ARHGAP15: variants seen among roughly 807,000 people sequenced by gnomAD.
ARHGAP15 encodes rho GTPase-activating protein 15.
ARHGAP15 carries 51 observed loss-of-function variants against 63.7 expected under a neutral mutation model. The observed-to-expected ratio is 0.80, with a 90% CI of 0.64 to 1.01. The LOEUF (loss-of-function observed/expected upper bound fraction) is 1.01, where lower values mean the gene tolerates loss of function less well. Among genes scored for constraint, ARHGAP15 ranks in the 50% least tolerant of loss-of-function variants. The probability of loss-of-function intolerance (pLI) is 0.00; values close to 1 mark genes in which losing one functional copy is unlikely to be tolerated. For missense variants in ARHGAP15, 560 were observed against 564.6 expected, an observed-to-expected ratio of 0.99 and a Z score of 0.08; for synonymous variants, 191 against 193.8, an observed-to-expected ratio of 0.99 and a Z score of 0.12.
At chr2:143,598,469 G>A (rs962289738) in intron 11 of ARHGAP15, among the ~76,000 whole-genome samples, 7 of 152,154 alleles carry the variant, frequency 4.6e-5, no homozygotes, top group Non-Finnish European at 1.0e-4. Flanking sequence ...GTCACCATCC[G>A]CTGTAAGGTG....
chr2:143,436,041 GTAAA>G lies in ARHGAP15; in HGVS notation c.573+350_573+353del, dbSNP rs1479538812. Among the ~76,000 whole-genome samples, 3 of 151,546 alleles carry G rather than the reference GTAAA, an allele frequency of 2.0e-5. No homozygotes were observed. In the East Asian group the frequency reaches 5.8e-4, roughly 29 times the overall value. ...TATGCAGTCCATACTACATACTCCT[GTAAA>G]TAAATAACATATTTAAGACTCACTG... On this transcript the variant is annotated intron_variant, in intron 7 of 13. Coordinates refer to ENST00000295095, the MANE Select transcript of ARHGAP15 (RefSeq NM_018460.4).
intron 11 of ARHGAP15, among the ~76,000 whole-genome samples, chr2:143,558,461 C>G (rs1442755284): frequency 6.6e-6 from 1 of 152,118 alleles, no homozygotes; most frequent in African/African-American, 2.4e-5. Flanking sequence ...AAAATTCCAT[C>G]TATTATAAGA....
At chr2:143,354,096 G>A (rs1177672001) in intron 6 of ARHGAP15, among the ~76,000 whole-genome samples, 1 of 151,852 alleles carries the variant, frequency 6.6e-6, no homozygotes, top group Non-Finnish European at 1.5e-5. Flanking sequence ...TTCCGAACAG[G>A]AATGACAATT....
chr2:143,164,468 T>C (rs1268545893), intron 2 of ARHGAP15, among the ~76,000 whole-genome samples: 1 of 152,044 alleles, frequency 6.6e-6, no homozygotes. Context: ...TTTTTATGAT[T>C]CCTATTCACT....
rs541869197 is a variant in ARHGAP15 at position 143,359,570 on chromosome 2, G to A, written c.475-76031G>A. Among the ~76,000 whole-genome samples, 9 of 151,982 alleles carry A rather than the reference G, an allele frequency of 5.9e-5. No individual in the cohort carries two copies. The East Asian group carries it at 9.7e-4, about 16-fold the overall frequency. On this transcript the variant is annotated intron_variant, in intron 6 of 13. Coordinates refer to ENST00000295095, the MANE Select transcript of ARHGAP15 (RefSeq NM_018460.4). ...GGTTATACTGTTTTCTTCCAAAATC[G>A]ATGCAAAGAAATAAAGAAAAATGTA... is the stretch of plus-strand genomic sequence containing the variant.
intron 6 of ARHGAP15, among the ~76,000 whole-genome samples, chr2:143,268,493 C>A (rs1284768416): frequency 6.6e-6 from 1 of 152,022 alleles, no homozygotes; most frequent in Non-Finnish European, 1.5e-5. Context: ...CAAATTGGAG[C>A]AGAACAAGTA....
intron 5 of ARHGAP15, among the ~76,000 whole-genome samples, chr2:143,245,640 G>A (rs546430236): frequency 2.0e-5 from 3 of 151,472 alleles, no homozygotes; most frequent in East Asian, 3.9e-4. Context: ...TTTTAAACGG[G>A]TAATGAACAT....
chr2:143,417,482 G>A (rs899895078), intron 6 of ARHGAP15, among the ~76,000 whole-genome samples: 3 of 152,120 alleles, frequency 2.0e-5, no homozygotes, highest in African/African-American at 7.2e-5. Flanking sequence ...ACTTAATATG[G>A]ATAATTAGAT....
At chr2:143,642,451 C>A (rs1166118302) in intron 12 of ARHGAP15, among the ~76,000 whole-genome samples, 2 of 152,032 alleles carry the variant, frequency 1.3e-5, no homozygotes, top group African/African-American at 4.8e-5. Context: ...TAAAAAAAAT[C>A]ATGAGGAAAC....
chr2:143,311,685 T>C (rs75366437), intron 6 of ARHGAP15, among the ~76,000 whole-genome samples: 2,423 of 152,162 alleles, frequency 0.016, 74 homozygotes, highest in African/African-American at 0.055. Context: ...CAGGACCCAA[T>C]TCAGCAGCAT....
In ARHGAP15 at chr2:143,768,037, G is replaced by A. The variant is rs1364727256; in HGVS notation, c.1293G>A (p.Gly431=). The change falls in exon 14 of 14, where the codon GGG becomes GGA. Residue 431 remains glycine (G), a synonymous_variant. Coordinates refer to ENST00000295095, the MANE Select transcript of ARHGAP15 (RefSeq NM_018460.4). ...ACCTCATGTCCACGCAAAGCTTGGG[G>A]ATTGTATTTGGACCTACCCTTCTGC... is the stretch of plus-strand genomic sequence containing the variant. The part of the protein sequence containing the change: ...SKNLMSTQSL[G]IVFGPTLLRA... The A allele has an allele frequency of 1.2e-6, 2 of 1,613,564 alleles. No homozygotes were observed. Among genetic ancestry groups the A allele is most frequent in the Non-Finnish European group, 1.7e-6 (2 of 1,179,752 alleles).
intron 6 of ARHGAP15, among the ~76,000 whole-genome samples, chr2:143,324,953 T>A (rs1402675814): frequency 6.6e-6 from 1 of 152,194 alleles, no homozygotes; most frequent in East Asian, 1.9e-4. Flanking sequence ...TAATGAATAT[T>A]CAAAATTAGA....
At chr2:143,628,753 C>A (rs934795913) in intron 12 of ARHGAP15, among the ~76,000 whole-genome samples, 3 of 152,164 alleles carry the variant, frequency 2.0e-5, no homozygotes, top group Non-Finnish European at 4.4e-5. Flanking sequence ...ATATGGGTAA[C>A]CAATTGTCTG....
chr2:143,351,480 C>T (rs975323324), intron 6 of ARHGAP15: 1 of 152,070 alleles, frequency 6.6e-6, no homozygotes, highest in Non-Finnish European at 1.5e-5. Flanking sequence ...TCAAATTCCA[C>T]CTTCATTAAG....
intron 6 of ARHGAP15, among the ~76,000 whole-genome samples, chr2:143,275,698 C>CT (rs954670619): frequency 1.3e-5 from 2 of 152,186 alleles, no homozygotes; most frequent in African/African-American, 4.8e-5. Flanking sequence ...ACTTCCAGGG[C>CT]TATTAACCTA....
intron 6 of ARHGAP15, among the ~76,000 whole-genome samples, chr2:143,288,130 G>C (rs1471093223): frequency 6.6e-6 from 1 of 152,176 alleles, no homozygotes; most frequent in African/African-American, 2.4e-5. Context: ...ATGGGAAAAA[G>C]TGCCATGTGA....
chr2:143,646,897 G>A (rs1337814326), intron 12 of ARHGAP15, among the ~76,000 whole-genome samples: 3 of 151,936 alleles, frequency 2.0e-5, no homozygotes, highest in South Asian at 4.1e-4. Context: ...AAAGAAAACC[G>A]AGAGTAGCAA....
intron 6 of ARHGAP15, among the ~76,000 whole-genome samples, chr2:143,409,097 A>C (rs1332777866): frequency 6.6e-6 from 1 of 152,068 alleles, no homozygotes; most frequent in Non-Finnish European, 1.5e-5. Flanking sequence ...TTCAGAATAA[A>C]TTGAAAATAT....
intron 1 of ARHGAP15, among the ~76,000 whole-genome samples, chr2:143,129,682 ATAAGATGATTTGC>A (rs1688845970): frequency 6.6e-6 from 1 of 152,180 alleles, no homozygotes; most frequent in Admixed American, 6.5e-5. Context: ...TGTTATAATA[ATAAGATGATTTGC>A]TAAGATTTTG....
Sources: gnomAD v4.1 joint callset for allele counts (sites outside exome capture counted in the v4.1 genomes callset) on GRCh38, gnomAD v4.1.1 for gene constraint, MANE v1.5 for transcripts, NCBI Gene and HGNC (gene_info 2026-07-23, HGNC 2026-07-21) for gene names.